TTC29: variants seen among roughly 807,000 people sequenced by gnomAD.
The protein encoded by TTC29 is tetratricopeptide repeat protein 29.
In TTC29, 49 loss-of-function variants were observed where a neutral mutation model predicts 58.1. That is an observed-to-expected ratio of 0.84 (90% CI 0.67 to 1.07). The LOEUF (loss-of-function observed/expected upper bound fraction) is 1.07. Ranked by LOEUF, TTC29 falls within the 50% of genes least tolerant of loss-of-function variation. TTC29 has a pLI of 0.00. For missense variants in TTC29, 582 were observed against 555.6 expected, an observed-to-expected ratio of 1.05 and a Z score of -0.48; for synonymous variants, 209 against 196.8, an observed-to-expected ratio of 1.06 and a Z score of -0.52.
rs762998709 is a variant in TTC29, at chr4:146,833,788, G to A, written c.977+18C>T. 20 of 1,595,006 alleles carry A rather than the reference G, an allele frequency of 1.3e-5. No homozygotes were observed. Among genetic ancestry groups the A allele is most frequent in the Admixed American group, 1.7e-5 (1 of 59,912 alleles). ...AGTGAATTCACAGTGACAGCAAGAT[G>A]AGAATGTGCTAACTTACCTCTGCAG... On this transcript the variant is annotated intron_variant, in intron 9 of 12. Coordinates refer to ENST00000325106, the MANE Select transcript of TTC29 (RefSeq NM_031956.4).
intron 2 of TTC29, among the ~76,000 whole-genome samples, chr4:146,940,148 TAAG>T (rs962149485): frequency 5.9e-5 from 9 of 152,212 alleles, no homozygotes; most frequent in African/African-American, 2.2e-4. Flanking sequence ...ACAAAGTAGA[TAAG>T]AAGAAAATTT....
chr4:146,865,250 A>G (rs7697716), intron 8 of TTC29, among the ~76,000 whole-genome samples: 54,410 of 151,998 alleles, frequency 0.36, 10,006 homozygotes, highest in South Asian at 0.43. Context: ...AATCTATTCT[A>G]TGGATAAATT....
rs562385661 is a variant in TTC29 at position 146,932,441 on chromosome 4, T to C, written c.176+5153A>G. Among the ~76,000 whole-genome samples, 13 of 152,228 alleles carry C rather than the reference T, an allele frequency of 8.5e-5. No homozygotes were observed. The East Asian group carries it at 2.5e-3, about 29-fold the overall frequency. Reference sequence around the variant, plus strand: ...ATGATTTCACAAACATTTTCAAAAGTAAACAAAAATGAATGAAGCAGAGGA... The same window carrying C: ...ATGATTTCACAAACATTTTCAAAAGCAAACAAAAATGAATGAAGCAGAGGA... On this transcript the variant is annotated intron_variant, in intron 4 of 12. Coordinates refer to ENST00000325106, the MANE Select transcript of TTC29 (RefSeq NM_031956.4).
intron 11 of TTC29, among the ~76,000 whole-genome samples, chr4:146,717,850 T>C (rs1313615433): frequency 6.6e-6 from 1 of 152,118 alleles, no homozygotes; most frequent in East Asian, 1.9e-4. Context: ...AAAACCTTAT[T>C]CCTCCTGTCT....
intron 6 of TTC29, among the ~76,000 whole-genome samples, chr4:146,896,527 TATTA>T (rs1732779444): frequency 6.6e-6 from 1 of 152,194 alleles, no homozygotes; most frequent in African/African-American, 2.4e-5. Flanking sequence ...AATATCTCCT[TATTA>T]ATTGTGACTA....
chr4:146,927,591 A>G (rs1735026729), intron 4 of TTC29, among the ~76,000 whole-genome samples: 1 of 152,172 alleles, frequency 6.6e-6, no homozygotes. Context: ...ATACGTACAT[A>G]GTATATACAT....
chr4:146,931,279 A>G (rs2150318533), intron 4 of TTC29, among the ~76,000 whole-genome samples: 1 of 152,352 alleles, frequency 6.6e-6, no homozygotes, highest in South Asian at 2.1e-4. Flanking sequence ...CTTAGTACGA[A>G]GCAAAAGATA....
intron 10 of TTC29, among the ~76,000 whole-genome samples, chr4:146,805,794 C>A (rs1293442549): frequency 6.6e-6 from 1 of 152,080 alleles, no homozygotes; most frequent in East Asian, 1.9e-4. Context: ...CAGAATGGAT[C>A]CAAGTTAGAA....
intron 11 of TTC29, among the ~76,000 whole-genome samples, chr4:146,717,246 G>T (rs1743001953): frequency 1.3e-5 from 2 of 151,968 alleles, no homozygotes; most frequent in African/African-American, 4.8e-5. Context: ...TTGTAATAGG[G>T]AATATGGTCA....
chr4:146,866,330 A>C (rs949317494), intron 8 of TTC29, among the ~76,000 whole-genome samples: 2 of 152,134 alleles, frequency 1.3e-5, no homozygotes, highest in African/African-American at 4.8e-5. Context: ...GTCCATGTTG[A>C]GTGTGTACGC....
intron 8 of TTC29, among the ~76,000 whole-genome samples, chr4:146,838,235 T>A (rs1728636117): frequency 6.6e-6 from 1 of 152,020 alleles, no homozygotes; most frequent in Admixed American, 6.6e-5. Context: ...ACTACTAGAA[T>A]ACTCATCAGA....
intron 11 of TTC29, among the ~76,000 whole-genome samples, chr4:146,736,981 T>C (rs1323453411): frequency 1.3e-5 from 2 of 152,194 alleles, no homozygotes; most frequent in Non-Finnish European, 2.9e-5. Flanking sequence ...GAGGAACTAC[T>C]TGGTTTACAG....
At chr4:146,805,802 G>GA (rs1750569284) in intron 10 of TTC29, among the ~76,000 whole-genome samples, 1 of 152,112 alleles carries the variant, frequency 6.6e-6, no homozygotes, top group South Asian at 2.1e-4. Flanking sequence ...ATCCAAGTTA[G>GA]AAAACACCCT....
At chr4:146,780,590 G>A (rs1433605919) in intron 11 of TTC29, among the ~76,000 whole-genome samples, 2 of 151,850 alleles carry the variant, frequency 1.3e-5, no homozygotes, top group Non-Finnish European at 2.9e-5. Flanking sequence ...CTATGATTAA[G>A]TGTTCTTCCT....
chr4:146,835,735 T>C (rs574817522), intron 8 of TTC29, among the ~76,000 whole-genome samples: 1 of 152,280 alleles, frequency 6.6e-6, no homozygotes, highest in Admixed American at 6.5e-5. Flanking sequence ...ATTGCACCAC[T>C]CTCTCATGAC....
intron 8 of TTC29, among the ~76,000 whole-genome samples, chr4:146,837,769 G>A (rs554728466): frequency 3.3e-5 from 5 of 152,024 alleles, no homozygotes; most frequent in Admixed American, 6.6e-5. Flanking sequence ...ATCTAGCATC[G>A]CAAATCAGAG....
At chr4:146,932,693 GC>G (rs1735433516) in intron 4 of TTC29, among the ~76,000 whole-genome samples, 1 of 152,060 alleles carries the variant, frequency 6.6e-6, no homozygotes, top group Non-Finnish European at 1.5e-5. Context: ...ATGTGGACTG[GC>G]AAAACACTAA....
chr4:146,846,438 A>T (rs1445391074), intron 8 of TTC29, among the ~76,000 whole-genome samples: 1 of 152,186 alleles, frequency 6.6e-6, no homozygotes, highest in Non-Finnish European at 1.5e-5. Context: ...GAGGAAATAT[A>T]AAACATTTTT....
intron 11 of TTC29, among the ~76,000 whole-genome samples, chr4:146,737,595 G>GGC (rs1554007355): frequency 6.8e-6 from 1 of 147,080 alleles, no homozygotes; most frequent in Admixed American, 6.7e-5. Context: ...AGCCCTGGGG[G>GGC]GGGGGGGGCT....
Sources: allele counts gnomAD v4.1 joint callset (sites outside exome capture counted in the v4.1 genomes callset), GRCh38; gene constraint gnomAD v4.1.1; transcripts MANE v1.5; gene names NCBI Gene and HGNC (gene_info 2026-07-23, HGNC 2026-07-21).